Variants in DIPK1C observed in about 807,000 individuals in gnomAD.
The protein encoded by DIPK1C is familial non-conventional Alzheimer's dementia.
Under a neutral mutation model 28.0 loss-of-function variants are expected in DIPK1C, and 33 were observed. The observed-to-expected ratio is 1.18, with a 90% CI of 0.89 to 1.58. The LOEUF is 1.58. Among genes scored for constraint, DIPK1C ranks in the 40% most tolerant of loss-of-function variants. The pLI is 0.00. For missense variants in DIPK1C, 569 were observed against 568.5 expected (o/e 1.00, Z -0.01); for synonymous variants, 255 against 248.8 (o/e 1.02, Z -0.23).
intron 3 of DIPK1C, among the ~76,000 whole-genome samples, chr18:74,441,751 G>A (rs778944643): frequency 3.9e-5 from 6 of 152,124 alleles, no homozygotes; most frequent in East Asian, 1.9e-4. Context: ...GCCCCTGGTC[G>A]CCTGACCAAC....
intron 2 of DIPK1C, among the ~76,000 whole-genome samples, chr18:74,443,204 A>G (rs770092873): frequency 6.6e-6 from 1 of 152,234 alleles, no homozygotes; most frequent in Non-Finnish European, 1.5e-5. Flanking sequence ...CAGAGAGAGA[A>G]TAACTTCTAA....
chr18:74,461,489 A>G (rs1247812188), upstream of DIPK1C, among the ~76,000 whole-genome samples: 1 of 150,526 alleles, frequency 6.6e-6, no homozygotes, highest in African/African-American at 2.5e-5. Flanking sequence ...TGTGGCCTCC[A>G]ACTCCTGGGT....
chr18:74,461,344 T>TTCCTCCCTTCCTTCCTTCC (rs1568268256), upstream of DIPK1C, among the ~76,000 whole-genome samples: 1 of 118,428 alleles, frequency 8.4e-6, no homozygotes, highest in African/African-American at 3.2e-5. Flanking sequence ...TCCTTCCTTC[T>TTCCTCCCTTCCTTCCTTCC]TTCCTTCCTT....
chr18:74,460,237 C>A (rs534568907), upstream of DIPK1C, among the ~76,000 whole-genome samples: 1 of 152,192 alleles, frequency 6.6e-6, no homozygotes, highest in Admixed American at 6.5e-5. Context: ...TAAGCAAGTT[C>A]GGGTTGGGTT....
At chr18:74,453,740 C>T (rs996785878) in intron 1 of DIPK1C, among the ~76,000 whole-genome samples, 13 of 152,160 alleles carry the variant, frequency 8.5e-5, no homozygotes, top group African/African-American at 1.7e-4. Context: ...CTTACTGTCA[C>T]GTCATTGCTA....
At position 74,448,311 on chromosome 18, in the gene DIPK1C, C is replaced by T. The variant is rs534743994; in HGVS notation, c.199-1028G>A. Among the ~76,000 whole-genome samples the T allele has an allele frequency of 9.8e-5, 15 of 152,288 alleles. No homozygotes were observed. In the South Asian group the frequency reaches 2.3e-3, roughly 23 times the overall value. ...TTCCTCCATGTCAGCAAATAAAGGC[C>T]GCTCTTCCTTCCAGGAACTTCTATA... is the stretch of plus-strand genomic sequence containing the variant. On this transcript the variant is annotated intron_variant, in intron 1 of 3. Transcript: ENST00000343998.
chr18:74,460,350 G>A (rs1036993685), upstream of DIPK1C, among the ~76,000 whole-genome samples: 7 of 152,132 alleles, frequency 4.6e-5, no homozygotes, highest in Non-Finnish European at 8.8e-5. Flanking sequence ...TGATTCCATC[G>A]TACTTGTTTT....
rs756011 is a variant in DIPK1C at position 74,434,778 on chromosome 18, C to A, written c.*1723G>T. The A allele has an allele frequency of 0.33, 50,500 of 152,186 alleles. 8,862 individuals carry two copies. Among genetic ancestry groups the A allele is most frequent in the Non-Finnish European group, 0.39 (26,581 of 68,018 alleles). 9.4% of individuals were successfully genotyped at this position (152,186 alleles called of 1,614,324 possible). On this transcript the variant is annotated 3_prime_UTR_variant, in exon 4 of 4. Coordinates refer to ENST00000343998, the MANE Select transcript of DIPK1C (RefSeq NM_001044369.3). ...TGGAATCCACTAGTCCTAGGCCTGGCCGTTGAACTTTGGTTTTAATTTGCT... is the reference window on the plus strand; with the variant it reads ...TGGAATCCACTAGTCCTAGGCCTGGACGTTGAACTTTGGTTTTAATTTGCT...
At chr18:74,436,823 C>T (rs1986008125) in intron 3 of DIPK1C, 104 bp from the exon 4 acceptor site, 10 of 1,087,390 alleles carry the variant, frequency 9.2e-6, no homozygotes, top group Non-Finnish European at 1.3e-5. Context: ...TCTCTCCCAC[C>T]CCCACCCCCG....
chr18:74,458,598 C>A (rs1986568162), upstream of DIPK1C, among the ~76,000 whole-genome samples: 1 of 12,086 alleles, frequency 8.3e-5, no homozygotes, highest in Admixed American at 1.2e-3. Context: ...ATGCAACAGA[C>A]CCTTGGGGTT....
chr18:74,457,288 C>A lies in DIPK1C; in HGVS notation c.-29G>T. 2.0e-6 allele frequency: 2 copies of A among 983,632 alleles called. No individual in the cohort carries two copies. The highest frequency in any genetic ancestry group is 2.4e-6 in the Non-Finnish European group (2 of 828,934). The allele number at this position is 983,632 out of a possible 1,614,324, so 60.9% of individuals were successfully genotyped here. A position where few individuals can be genotyped will look rare whatever the true frequency, so the allele number is the denominator to read the frequency against. ...CAGCCCTGCCCGCGCCCGGGCCCCA[C>A]CGCCGCCCGCGCCCCGAGTTCCGCA... On this transcript the variant is annotated 5_prime_UTR_variant, in exon 1 of 4. Coordinates refer to ENST00000343998, the MANE Select transcript of DIPK1C (RefSeq NM_001044369.3).
intron 1 of DIPK1C, 45 bp downstream of exon 1, chr18:74,457,017 C>A (rs1986529085): frequency 9.4e-6 from 13 of 1,376,802 alleles, no homozygotes; most frequent in Non-Finnish European, 1.2e-5. Flanking sequence ...TGTGATCCCC[C>A]CTCCCCGGAC....
rs753886448 is a variant in DIPK1C, at chr18:74,436,501, C to T, written c.1260G>A (p.Ter420=). ...TLRELQEAEK[*] ...GAGCATGTTTAAGGCCAGAGAGTGG[C>T]TACTTCTCTGCCTCCTGCAGCTCCC... The change falls in exon 4 of 4, where the codon TAG becomes TAA. Residue 420 remains the stop codon, a stop_retained_variant. Coordinates refer to ENST00000343998, the MANE Select transcript of DIPK1C (RefSeq NM_001044369.3). The T allele has an allele frequency of 4.1e-5, 66 of 1,596,002 alleles. 1 individual carries two copies. Among genetic ancestry groups the T allele is most frequent in the Non-Finnish European group, 5.5e-5 (64 of 1,172,124 alleles).
intron 3 of DIPK1C, among the ~76,000 whole-genome samples, chr18:74,440,175 A>C (rs1013371532): frequency 7.2e-5 from 11 of 152,144 alleles, no homozygotes; most frequent in Non-Finnish European, 1.6e-4. Flanking sequence ...CGATCTCCTG[A>C]CCTTGTGATC....
At chr18:74,455,131 T>C (rs1986478639) in intron 1 of DIPK1C, among the ~76,000 whole-genome samples, 1 of 152,190 alleles carries the variant, frequency 6.6e-6, no homozygotes, top group Non-Finnish European at 1.5e-5. Flanking sequence ...ATGGCTGCCA[T>C]TGAAGATATA....
chr18:74,452,372 T>C (rs901307078), intron 1 of DIPK1C, among the ~76,000 whole-genome samples: 9 of 152,236 alleles, frequency 5.9e-5, no homozygotes, highest in Admixed American at 5.2e-4. Context: ...CTGTGCCTGC[T>C]AAGCACAGAA....
Position 74,442,542 on chromosome 18 carries a change from G to A in DIPK1C, c.877-426C>T, listed in dbSNP as rs561458790. Among the ~76,000 whole-genome samples the A allele has an allele frequency of 9.9e-5, 15 of 152,258 alleles. No homozygotes were observed. In the East Asian group the frequency reaches 1.5e-3, roughly 16 times the overall value. ...GACGGGGTTTCACCGTGTTAGCCAGGATGGTCTCGATCTCCTGACCTCCTG... is the reference window on the plus strand; with the variant it reads ...GACGGGGTTTCACCGTGTTAGCCAGAATGGTCTCGATCTCCTGACCTCCTG... On this transcript the variant is annotated intron_variant, in intron 2 of 3. Coordinates refer to ENST00000343998, the MANE Select transcript of DIPK1C (RefSeq NM_001044369.3).
intron 3 of DIPK1C, among the ~76,000 whole-genome samples, chr18:74,441,594 C>A (rs1344336780): frequency 6.6e-5 from 10 of 152,194 alleles, no homozygotes; most frequent in Non-Finnish European, 1.2e-4. Context: ...CTGCTTTGCA[C>A]CCTTCTCAGT....
chr18:74,456,415 C>T (rs1986512781), intron 1 of DIPK1C, among the ~76,000 whole-genome samples: 1 of 152,256 alleles, frequency 6.6e-6, no homozygotes. Flanking sequence ...CTGTCGAGGA[C>T]CGGGACCCGG....
Sources: allele counts gnomAD v4.1 joint callset (sites outside exome capture counted in the v4.1 genomes callset), GRCh38; gene constraint gnomAD v4.1.1; transcripts MANE v1.5; gene names NCBI Gene and HGNC (gene_info 2026-07-23, HGNC 2026-07-21).